Variants in DACH1 observed in about 807,000 individuals in gnomAD.
DACH1 encodes dachshund family transcription factor 1, also known as dachshund homolog 1.
In DACH1, 12 loss-of-function variants were observed where a neutral mutation model predicts 54.2. The observed-to-expected ratio is 0.22, with a 90% CI of 0.14 to 0.36. The LOEUF (loss-of-function observed/expected upper bound fraction) is 0.36, where lower values mean the gene tolerates loss of function less well. Ranked by LOEUF, DACH1 falls within the 10% of genes least tolerant of loss-of-function variation. The pLI, the probability that DACH1 is intolerant of heterozygous loss-of-function variation, is 1.00. For synonymous variants in DACH1, 386 were observed against 366.2 expected, an observed-to-expected ratio of 1.05 and a Z score of -0.62; for missense variants, 805 against 929.8, an observed-to-expected ratio of 0.87 and a Z score of 1.75.
chr13:71,718,939 A>G (rs1883109020), intron 1 of DACH1, among the ~76,000 whole-genome samples: 1 of 152,164 alleles, frequency 6.6e-6, no homozygotes, highest in African/African-American at 2.4e-5. Flanking sequence ...TAGAATAAAA[A>G]TTATTAGGTA....
At chr13:71,644,645 T>C (rs1204829015) in intron 2 of DACH1, among the ~76,000 whole-genome samples, 1 of 152,138 alleles carries the variant, frequency 6.6e-6, no homozygotes, top group African/African-American at 2.4e-5. Context: ...TATCCACAAA[T>C]CACAATGCTC....
intron 6 of DACH1, among the ~76,000 whole-genome samples, chr13:71,555,291 A>C (rs1884166416): frequency 6.6e-6 from 1 of 152,068 alleles, no homozygotes; most frequent in African/African-American, 2.4e-5. Context: ...CATTACTTAA[A>C]ACTTGAGTCT....
At chr13:71,679,337 T>C (rs1290315864) in intron 2 of DACH1, among the ~76,000 whole-genome samples, 1 of 152,196 alleles carries the variant, frequency 6.6e-6, no homozygotes, top group African/African-American at 2.4e-5. Context: ...ACCCGAAAGT[T>C]ACTTGATGGT....
At chr13:71,555,404 C>A (rs902069299) in intron 6 of DACH1, among the ~76,000 whole-genome samples, 1 of 151,570 alleles carries the variant, frequency 6.6e-6, no homozygotes, top group Non-Finnish European at 1.5e-5. Context: ...AGTGCAGTGG[C>A]GCGATCTCGG....
chr13:71,451,960 G>A (rs1445535756), intron 10 of DACH1, among the ~76,000 whole-genome samples: 2 of 152,166 alleles, frequency 1.3e-5, no homozygotes, highest in Non-Finnish European at 2.9e-5. Context: ...CATAATATGT[G>A]CATCTTACTC....
chr13:71,819,679 G>T (rs1888111065), intron 1 of DACH1, among the ~76,000 whole-genome samples: 4 of 152,076 alleles, frequency 2.6e-5, no homozygotes. Context: ...CAAATTGAAG[G>T]TGTAAAGGCT....
chr13:71,526,537 C>T lies in DACH1; in HGVS notation c.1570+30487G>A, dbSNP rs182539649. ...AAAATGGGAAAAATAATAATAGTGC[C>T]TACTTCCAAAAGTCATTTTTGAACT... On this transcript the variant is annotated intron_variant, in intron 6 of 10. Transcript: ENST00000613252. Among the ~76,000 whole-genome samples, 256 of 152,010 alleles carry T rather than the reference C, an allele frequency of 1.7e-3. 2 individuals carry two copies. The highest frequency in any genetic ancestry group is 5.9e-3 in the African/African-American group (245 of 41,478).
intron 1 of DACH1, among the ~76,000 whole-genome samples, chr13:71,700,118 C>T (rs1312750601): frequency 2.0e-5 from 3 of 152,024 alleles, no homozygotes; most frequent in African/African-American, 4.8e-5. Context: ...CACACACACA[C>T]GAGACACACA....
chr13:71,701,904 G>A (rs749175740), intron 1 of DACH1, among the ~76,000 whole-genome samples: 1 of 151,968 alleles, frequency 6.6e-6, no homozygotes, highest in Non-Finnish European at 1.5e-5. Flanking sequence ...GCTTTCTTGC[G>A]ACACTAAAAC....
intron 1 of DACH1, among the ~76,000 whole-genome samples, chr13:71,822,326 C>T (rs1247286481): frequency 6.6e-6 from 1 of 152,300 alleles, no homozygotes; most frequent in East Asian, 1.9e-4. Flanking sequence ...CATGGATTAA[C>T]ACCTGTGCCA....
At chr13:71,782,252 C>T (rs556381699) in intron 1 of DACH1, among the ~76,000 whole-genome samples, 33 of 152,146 alleles carry the variant, frequency 2.2e-4, no homozygotes, top group Non-Finnish European at 4.0e-4. Context: ...GCCAGCCTGG[C>T]CAAAATGGTG....
chr13:71,731,290 CTTTTTTTT>C (rs1201969481), intron 1 of DACH1, among the ~76,000 whole-genome samples: 6 of 131,064 alleles, frequency 4.6e-5, no homozygotes, highest in African/African-American at 1.4e-4. Context: ...TCTTGATCTT[CTTTTTTTT>C]TTTTTTTTTT....
rs58963611 is a variant in DACH1 at position 71,654,458 on chromosome 13, G to GTAAAATAAAATAAAATAAAA, written c.965-23761_965-23742dup. ...ATAAAATAAAATAAAATAAAATAAA[G>GTAAAATAAAATAAAATAAAA]TAAAATAAAATAAAATAAAATAAAA... On this transcript the variant is annotated intron_variant, in intron 2 of 10. Coordinates refer to ENST00000613252, the MANE Select transcript of DACH1 (RefSeq NM_080759.6). 2.7e-3 allele frequency among the ~76,000 whole-genome samples: 193 copies of GTAAAATAAAATAAAATAAAA among 71,226 alleles called. 1 individual carries two copies. The highest frequency in any genetic ancestry group is 0.015 in the East Asian group (30 of 1,992). The allele number at this position is 71,226 out of a possible 152,430, so 46.7% of individuals were successfully genotyped here. A position where few individuals can be genotyped will look rare whatever the true frequency, so the allele number is the denominator to read the frequency against.
chr13:71,671,543 C>T (rs1880206707), intron 2 of DACH1, among the ~76,000 whole-genome samples: 1 of 152,012 alleles, frequency 6.6e-6, no homozygotes, highest in Non-Finnish European at 1.5e-5. Flanking sequence ...CCACATATTT[C>T]ATAATTAGAA....
At chr13:71,847,224 T>C (rs1283820439) in intron 1 of DACH1, among the ~76,000 whole-genome samples, 1 of 152,214 alleles carries the variant, frequency 6.6e-6, no homozygotes, top group Non-Finnish European at 1.5e-5. Flanking sequence ...TTTTCATTTG[T>C]TTGTTTTTAT....
intron 3 of DACH1, among the ~76,000 whole-genome samples, chr13:71,580,948 T>C (rs1240899729): frequency 1.4e-5 from 2 of 146,572 alleles, no homozygotes; most frequent in African/African-American, 4.9e-5. Flanking sequence ...ACTCCCCTGA[T>C]TAGGGGTCTT....
intron 1 of DACH1, among the ~76,000 whole-genome samples, chr13:71,731,814 T>A (rs1284322277): frequency 6.6e-6 from 1 of 152,214 alleles, no homozygotes; most frequent in Non-Finnish European, 1.5e-5. Context: ...AGTTCATGCC[T>A]TACATTCTTC....
chr13:71,584,210 C>T (rs1182257856), intron 3 of DACH1, among the ~76,000 whole-genome samples: 1 of 152,168 alleles, frequency 6.6e-6, no homozygotes, highest in Non-Finnish European at 1.5e-5. Context: ...CCACTTAAGA[C>T]TTCAGCTACT....
intron 7 of DACH1, among the ~76,000 whole-genome samples, chr13:71,486,199 C>T (rs1878487873): frequency 6.6e-6 from 1 of 151,690 alleles, no homozygotes. Context: ...AACAATAACA[C>T]TTTATGAAAA....
Sources: allele counts gnomAD v4.1 joint callset (sites outside exome capture counted in the v4.1 genomes callset), GRCh38; gene constraint gnomAD v4.1.1; transcripts MANE v1.5; gene names NCBI Gene and HGNC (gene_info 2026-07-23, HGNC 2026-07-21).